The following NEK11 variants were observed in gnomAD, a reference collection of about 807,000 sequenced individuals.
The protein encoded by NEK11 is serine/threonine-protein kinase Nek11.
Under a neutral mutation model 80.7 loss-of-function variants are expected in NEK11, and 72 were observed. That is an observed-to-expected ratio of 0.89 (90% CI 0.74 to 1.08). NEK11 has a LOEUF of 1.08. Ranked by LOEUF, NEK11 falls within the 50% of genes least tolerant of loss-of-function variation. NEK11 has a pLI of 0.00. For missense variants in NEK11, 764 were observed against 763.6 expected (o/e 1.00, Z -0.01); for synonymous variants, 251 against 260.7 (o/e 0.96, Z 0.36).
chr3:131,108,297 TG>T (rs1560438281), intron 4 of NEK11, among the ~76,000 whole-genome samples: 1 of 152,176 alleles, frequency 6.6e-6, no homozygotes, highest in Non-Finnish European at 1.5e-5. Flanking sequence ...TGCCTATAAA[TG>T]TTCTTCCTTT....
intron 5 of NEK11, among the ~76,000 whole-genome samples, chr3:131,121,149 G>A (rs556554232): frequency 1.3e-5 from 2 of 152,298 alleles, no homozygotes; most frequent in South Asian, 2.1e-4. Context: ...TGATGGTGAC[G>A]TACAGATGGG....
rs185307120 is a variant in NEK11, at chr3:131,272,884, T to A, written c.1622-594T>A. Among the ~76,000 whole-genome samples the A allele has an allele frequency of 2.7e-3, 418 of 152,320 alleles. 7 individuals carry two copies. Among genetic ancestry groups the A allele is most frequent in the Admixed American group, 0.012 (183 of 15,310 alleles). Reference sequence around the variant, plus strand: ...GCCTTCAGGATGTTTCATTAAAAACTGTAGCTCTCTCAGCAGATTTCATTA... The same window carrying A: ...GCCTTCAGGATGTTTCATTAAAAACAGTAGCTCTCTCAGCAGATTTCATTA... On this transcript the variant is annotated intron_variant, in intron 16 of 17. Coordinates refer to ENST00000383366, the MANE Select transcript of NEK11 (RefSeq NM_024800.5).
intron 7 of NEK11, among the ~76,000 whole-genome samples, chr3:131,139,049 C>A (rs529189678): frequency 6.2e-5 from 9 of 145,164 alleles, no homozygotes; most frequent in African/African-American, 2.1e-4. Flanking sequence ...CACTAGGGAC[C>A]AATCCTGGAG....
At chr3:131,242,541 T>C (rs2095535343) in intron 15 of NEK11, among the ~76,000 whole-genome samples, 1 of 152,136 alleles carries the variant, frequency 6.6e-6, no homozygotes, top group Admixed American at 6.6e-5. Context: ...AATATGCTCC[T>C]GAAAGATGTT....
rs375381641 is a variant in NEK11, at chr3:131,296,831, T to A, written c.1718+23257T>A. Among the ~76,000 whole-genome samples, 57 of 149,496 alleles carry A rather than the reference T, an allele frequency of 3.8e-4. No individual in the cohort carries two copies. In the East Asian group the frequency reaches 7.0e-3, roughly 18 times the overall value. ...CCCCACTCCCCCCACCCCACAACAG[T>A]CCCCAGAGTGTGATGTTCCACTTCC... On this transcript the variant is annotated intron_variant, in intron 17 of 17. Transcript: ENST00000383366.
At chr3:131,098,500 G>A (rs919451359) in intron 4 of NEK11, among the ~76,000 whole-genome samples, 3 of 151,812 alleles carry the variant, frequency 2.0e-5, no homozygotes, top group African/African-American at 4.8e-5. Flanking sequence ...GATTAGTGAT[G>A]ATGAGCATTT....
At chr3:131,326,411 T>A (rs1582004396) in intron 17 of NEK11, 1 of 152,514 alleles carries the variant, frequency 6.6e-6, no homozygotes, top group East Asian at 1.9e-4. Context: ...ACCATTCTTC[T>A]CCTCTTAATT....
rs573648083 is a variant in NEK11 at position 131,061,654 on chromosome 3, G to A, written c.171-18769G>A. 3.9e-4 allele frequency among the ~76,000 whole-genome samples: 59 copies of A among 152,224 alleles called. No homozygotes were observed. In the South Asian group the frequency reaches 7.3e-3, roughly 19 times the overall value. ...TACTTTAAAGACTGCTAATACATAT[G>A]TATCCTCCTTTCTGTTATCTTATCA... On this transcript the variant is annotated intron_variant, in intron 3 of 17. Transcript: ENST00000383366.
chr3:131,076,523 C>A (rs2074380997), intron 3 of NEK11, among the ~76,000 whole-genome samples: 1 of 152,092 alleles, frequency 6.6e-6, no homozygotes, highest in Non-Finnish European at 1.5e-5. Flanking sequence ...AATCTTAAAA[C>A]CCCTGATTAT....
chr3:131,340,128 C>T (rs772372770), intron 17 of NEK11, among the ~76,000 whole-genome samples: 19 of 152,172 alleles, frequency 1.2e-4, no homozygotes, highest in Non-Finnish European at 2.2e-4. Flanking sequence ...ATAACAGAAT[C>T]AGATCTATTA....
At chr3:131,069,132 TTTTTTTA>T (rs1307975193) in intron 3 of NEK11, among the ~76,000 whole-genome samples, 11 of 152,248 alleles carry the variant, frequency 7.2e-5, no homozygotes, top group Admixed American at 2.6e-4. Flanking sequence ...AAACCCTAGA[TTTTTTTA>T]TTTTTTATTT....
At chr3:131,196,136 A>G (rs985654831) in intron 14 of NEK11, among the ~76,000 whole-genome samples, 7 of 152,078 alleles carry the variant, frequency 4.6e-5, no homozygotes, top group African/African-American at 1.7e-4. Flanking sequence ...GTCTTTTCAA[A>G]TACTCTATTA....
chr3:131,250,227 C>T (rs1451078904), intron 16 of NEK11, among the ~76,000 whole-genome samples: 2 of 151,210 alleles, frequency 1.3e-5, no homozygotes, highest in Non-Finnish European at 2.9e-5. Context: ...TGATTCAGCA[C>T]CTAACAAATA....
chr3:131,098,956 T>G (rs796567789), intron 4 of NEK11, among the ~76,000 whole-genome samples: 2 of 152,226 alleles, frequency 1.3e-5, no homozygotes, highest in Non-Finnish European at 2.9e-5. Flanking sequence ...ATAGTTTCTT[T>G]GGCTGTGCAG....
rs58615785 is a variant in NEK11, at chr3:131,115,324, G to A, written c.455+5403G>A. Among the ~76,000 whole-genome samples the A allele has an allele frequency of 3.3e-3, 500 of 152,250 alleles. 3 individuals are homozygous for A. Among genetic ancestry groups the A allele is most frequent in the Middle Eastern group, 0.031 (9 of 294 alleles). ...GGCTTTCCTGGGTCTCTAGCTTGTAGACAGCAGATTGTGGGACTTCTCAGC... is the reference window on the plus strand; with the variant it reads ...GGCTTTCCTGGGTCTCTAGCTTGTAAACAGCAGATTGTGGGACTTCTCAGC... On this transcript the variant is annotated intron_variant, in intron 5 of 17. Transcript: ENST00000383366.
At chr3:131,063,829 C>A (rs2071369499) in intron 3 of NEK11, among the ~76,000 whole-genome samples, 1 of 152,156 alleles carries the variant, frequency 6.6e-6, no homozygotes, top group African/African-American at 2.4e-5. Context: ...TTCCTAGGTA[C>A]ATACCCAAAA....
chr3:131,325,437 C>T (rs2096952055), intron 17 of NEK11: 1 of 151,680 alleles, frequency 6.6e-6, no homozygotes, highest in South Asian at 2.1e-4. Flanking sequence ...TAGAGGTTCC[C>T]TCTGCGGGTG....
rs899192853 is a variant in NEK11, at chr3:131,298,895, G to A, written c.1718+25321G>A. 2.7e-5 allele frequency among the ~76,000 whole-genome samples: 4 copies of A among 146,890 alleles called. 1 individual carries two copies. Among genetic ancestry groups the A allele is most frequent in the Middle Eastern group, 3.3e-3 (1 of 302 alleles). ...TTTCATGCATCTATGTATGTATGTA[G>A]TAGTGTCATAATCCTTAGATATTCT... On this transcript the variant is annotated intron_variant, in intron 17 of 17. Transcript: ENST00000383366.
rs557215584 is a variant in NEK11 at position 131,191,601 on chromosome 3, A to G, written c.1399+20714A>G. Among the ~76,000 whole-genome samples, 19 of 152,264 alleles carry G rather than the reference A, an allele frequency of 1.2e-4. No homozygotes were observed. The East Asian group carries it at 3.1e-3, about 25-fold the overall frequency. ...CTATCAATCTTAACTCTGCTTTGCC[A>G]TGTAAGATAACATATTCAAAAACTC... is the stretch of plus-strand genomic sequence containing the variant. On this transcript the variant is annotated intron_variant, in intron 14 of 17. Transcript: ENST00000383366.
Sources: allele counts gnomAD v4.1 joint callset (sites outside exome capture counted in the v4.1 genomes callset), GRCh38; gene constraint gnomAD v4.1.1; transcripts MANE v1.5; gene names NCBI Gene and HGNC (gene_info 2026-07-23, HGNC 2026-07-21).